ATP11A: variants seen among roughly 807,000 people sequenced by gnomAD.
The protein encoded by ATP11A is ATPase phospholipid transporting 11A.
ATP11A carries 81 observed loss-of-function variants against 154.4 expected under a neutral mutation model. The ratio of observed to expected loss-of-function variants is 0.52; its 90% CI spans 0.44 to 0.63. The LOEUF (loss-of-function observed/expected upper bound fraction) is 0.63. ATP11A is among the 30% of genes least tolerant of loss of function. ATP11A has a pLI of 0.00. For missense variants in ATP11A, 1,316 were observed against 1,474.3 expected (o/e 0.89, Z 1.76); for synonymous variants, 623 against 585.9 (o/e 1.06, Z -0.91).
At chr13:112,852,191 C>T (rs1192488443) in intron 18 of ATP11A, among the ~76,000 whole-genome samples, 1 of 152,058 alleles carries the variant, frequency 6.6e-6, no homozygotes, top group Admixed American at 6.5e-5. Flanking sequence ...AAAAAATGCC[C>T]CAATTGATGA....
intron 8 of ATP11A, among the ~76,000 whole-genome samples, chr13:112,820,325 C>G (rs1326568251): frequency 1.3e-5 from 2 of 152,216 alleles, no homozygotes; most frequent in African/African-American, 2.4e-5. Context: ...AATTGAAAGA[C>G]TTCTAATTTG....
chr13:112,841,536 T>G (rs1045215506), intron 16 of ATP11A, among the ~76,000 whole-genome samples: 2 of 146,584 alleles, frequency 1.4e-5, no homozygotes, highest in African/African-American at 5.1e-5. Flanking sequence ...CAGGGATACT[T>G]CAGGTGCAGA....
rs553445906 is a variant in ATP11A at position 112,833,743 on chromosome 13, C to G, written c.1559+720C>G. 2.0e-5 allele frequency among the ~76,000 whole-genome samples: 3 copies of G among 152,330 alleles called. No homozygotes were observed. The East Asian group carries it at 5.8e-4, about 29-fold the overall frequency. ...AACAGTATCACCGGGGCCCTTCGTT[C>G]CATGCGTAAACCCACACATGCGTAG... On this transcript the variant is annotated intron_variant, in intron 14 of 29. Transcript: ENST00000375645.
At chr13:112,780,286 G>C (rs2077465626) in intron 1 of ATP11A, among the ~76,000 whole-genome samples, 1 of 152,056 alleles carries the variant, frequency 6.6e-6, no homozygotes, top group Admixed American at 6.5e-5. Context: ...TCATCCCCCA[G>C]TCAGAGGCGG....
chr13:112,875,492 GTTTT>G lies in ATP11A; in HGVS notation c.3162-273_3162-270del, dbSNP rs35972555. ...TCAATCCCTTTGTGTTTTGTTTTTT[GTTTT>G]TTTTTTTTTTGCTTCTGTGAAACTG... On this transcript the variant is annotated intron_variant, in intron 27 of 29. Transcript: ENST00000375645. The surrounding 1 kb of genome is among the most constrained non-coding windows in gnomAD (Gnocchi z 4.1). 0.43 allele frequency among the ~76,000 whole-genome samples: 62,656 copies of G among 145,952 alleles called. 13,452 individuals are homozygous for G. Among genetic ancestry groups the G allele is most frequent in the African/African-American group, 0.51 (20,373 of 39,918 alleles).
chr13:112,857,484 T>C (rs2079963172), intron 20 of ATP11A, among the ~76,000 whole-genome samples: 2 of 152,246 alleles, frequency 1.3e-5, no homozygotes, highest in Non-Finnish European at 2.9e-5. Flanking sequence ...TTACACACTT[T>C]TCCATATATT....
intron 17 of ATP11A, among the ~76,000 whole-genome samples, chr13:112,845,792 T>TGCCGGCACTAATGGTACTAACCAC (rs1566564917): frequency 1.1e-5 from 1 of 89,718 alleles, no homozygotes; most frequent in Non-Finnish European, 2.3e-5. Context: ...CCAGTCCAGT[T>TGCCGGCACTAATGGTACTAACCAC]TCCAGGCACT....
intron 1 of ATP11A, among the ~76,000 whole-genome samples, chr13:112,781,387 C>T (rs1042157844): frequency 6.6e-6 from 1 of 152,084 alleles, no homozygotes; most frequent in Non-Finnish European, 1.5e-5. Context: ...TATGTCTGGC[C>T]CTGGATTCAA....
intron 17 of ATP11A, among the ~76,000 whole-genome samples, chr13:112,848,586 C>T (rs2079672891): frequency 6.6e-6 from 1 of 152,236 alleles, no homozygotes. Context: ...ATCTAATACT[C>T]TGTTGAATAG....
At chr13:112,868,908 T>C (rs1437367224) in intron 25 of ATP11A, among the ~76,000 whole-genome samples, 2 of 151,972 alleles carry the variant, frequency 1.3e-5, no homozygotes, top group Non-Finnish European at 2.9e-5. Flanking sequence ...TTTACAAGGC[T>C]GCAGGAGAGA....
At chr13:112,764,882 C>T (rs1275839423) in intron 1 of ATP11A, among the ~76,000 whole-genome samples, 1 of 152,204 alleles carries the variant, frequency 6.6e-6, no homozygotes, top group African/African-American at 2.4e-5. Context: ...GACCATGAGC[C>T]AACCTCTTTC....
chr13:112,748,739 A>T (rs2076618739), intron 1 of ATP11A, among the ~76,000 whole-genome samples: 1 of 152,214 alleles, frequency 6.6e-6, no homozygotes, highest in African/African-American at 2.4e-5. Context: ...TGTTTTTGCT[A>T]GCCAGCTACA....
chr13:112,880,837 A>C (rs114395060), intron 29 of ATP11A: 10 of 1,128,786 alleles, frequency 8.9e-6, no homozygotes, highest in East Asian at 7.0e-5. Context: ...CTGACCACAC[A>C]TGGAACATGC....
At chr13:112,772,636 C>G (rs1352882022) in intron 1 of ATP11A, among the ~76,000 whole-genome samples, 1 of 152,152 alleles carries the variant, frequency 6.6e-6, no homozygotes, top group African/African-American at 2.4e-5. Context: ...GCCCTGTCCC[C>G]AGCTCCCCTC....
intron 1 of ATP11A, among the ~76,000 whole-genome samples, chr13:112,718,520 G>C (rs182260520): frequency 6.6e-6 from 1 of 152,144 alleles, no homozygotes; most frequent in African/African-American, 2.4e-5. Context: ...TCCTCCCTCC[G>C]AGGTGTGTGC....
At chr13:112,767,711 A>T (rs565570527) in intron 1 of ATP11A, among the ~76,000 whole-genome samples, 1 of 152,228 alleles carries the variant, frequency 6.6e-6, no homozygotes, top group Non-Finnish European at 1.5e-5. Flanking sequence ...TGCTACCTTT[A>T]CTTTCCCCAC....
chr13:112,866,759 T>G (rs1461997404), intron 25 of ATP11A, among the ~76,000 whole-genome samples: 2 of 97,312 alleles, frequency 2.1e-5, no homozygotes, highest in African/African-American at 6.6e-5. Context: ...ATGTGTCCTG[T>G]GCACCATTTA....
chr13:112,739,062 C>T (rs1891278370), intron 1 of ATP11A, among the ~76,000 whole-genome samples: 2 of 152,184 alleles, frequency 1.3e-5, no homozygotes, highest in East Asian at 1.9e-4. Flanking sequence ...TTGGATTAGG[C>T]GATCTTTTCT....
At chr13:112,812,895 A>G (rs908798406) in intron 5 of ATP11A, among the ~76,000 whole-genome samples, 1 of 152,196 alleles carries the variant, frequency 6.6e-6, no homozygotes. Context: ...CAGGCCTTCA[A>G]CGCCATTTCC....
Sources: gnomAD v4.1 joint callset for allele counts (sites outside exome capture counted in the v4.1 genomes callset) on GRCh38, gnomAD v4.1.1 for gene constraint, Gnocchi (gnomAD v3.1) non-coding constraint, MANE v1.5 for transcripts, NCBI Gene and HGNC (gene_info 2026-07-23, HGNC 2026-07-21) for gene names.